The following NPHP4 variants were observed in gnomAD, a reference collection of about 807,000 sequenced individuals.
NPHP4 encodes nephrocystin 4.
NPHP4 carries 151 observed loss-of-function variants against 155.8 expected under a neutral mutation model. The ratio of observed to expected loss-of-function variants is 0.97; its 90% confidence interval spans 0.85 to 1.11. NPHP4 has a LOEUF of 1.11. NPHP4 is among the 50% of genes least tolerant of loss of function. NPHP4 has a pLI of 0.00. For missense variants in NPHP4, 1,956 were observed against 1,925.7 expected (o/e 1.02, Z -0.29); for synonymous variants, 845 against 816.8 (o/e 1.03, Z -0.59).
At chr1:5,954,050 CAG>C (rs1648717844) in intron 6 of NPHP4, among the ~76,000 whole-genome samples, 1 of 152,212 alleles carries the variant, frequency 6.6e-6, no homozygotes, top group South Asian at 2.1e-4. Flanking sequence ...GATTATGAGT[CAG>C]TATCGCCTTT....
chr1:5,904,609 G>A lies in NPHP4; in HGVS notation c.2143+8C>T. On this transcript the variant is annotated splice_region_variant and intron_variant, in intron 16 of 29. Coordinates refer to ENST00000378156, the MANE Select transcript of NPHP4 (RefSeq NM_015102.5). ...TGTCTTGCCTTTGCCATGCACATGA[G>A]TACTCACCAGCATCAAAGGTGCCAT... 6.3e-7 allele frequency: 1 copy of A among 1,598,138 alleles called. No homozygotes were observed. Among genetic ancestry groups the A allele is most frequent in the Non-Finnish European group, 8.6e-7 (1 of 1,169,464 alleles).
At chr1:5,966,679 C>T (rs984696325) in intron 5 of NPHP4, among the ~76,000 whole-genome samples, 2 of 152,126 alleles carry the variant, frequency 1.3e-5, no homozygotes, top group African/African-American at 2.4e-5. Flanking sequence ...CTTCCCCACC[C>T]ACACTCCCCC....
chr1:5,947,128 G>A lies in NPHP4; in HGVS notation c.1095C>T (p.Ser365=), dbSNP rs770584924. 1.2e-6 allele frequency: 2 copies of A among 1,613,966 alleles called. No individual in the cohort carries two copies. Among genetic ancestry groups the A allele is most frequent in the African/African-American group, 1.3e-5 (1 of 75,044 alleles). Residue 365 remains serine (S), a synonymous_variant, in exon 9 of 30, where the codon AGC becomes AGT. Coordinates refer to ENST00000378156, the MANE Select transcript of NPHP4 (RefSeq NM_015102.5). The part of the protein sequence containing the change: ...AVIFQLEYVF[S]SPAGVDGNAA... Reference sequence around the variant, plus strand: ...CATTGCCGTCCACTCCTGCAGGGCTGCTGAACACGTACTCCAGCTGGAAGA... The same window carrying A: ...CATTGCCGTCCACTCCTGCAGGGCTACTGAACACGTACTCCAGCTGGAAGA...
chr1:5,970,030 T>C (rs1652279964), intron 3 of NPHP4, among the ~76,000 whole-genome samples: 1 of 152,130 alleles, frequency 6.6e-6, no homozygotes, highest in Admixed American at 6.6e-5. Context: ...AACATGCAAA[T>C]GGCCAGCCTC....
At chr1:5,952,908 T>C in intron 6 of NPHP4, 72 bp from the exon 7 acceptor site, 1 of 1,433,024 alleles carries the variant, frequency 7.0e-7, no homozygotes, top group South Asian at 1.4e-5. Context: ...CGAGGGTCCC[T>C]ACCCACCCCA....
At chr1:5,891,382 A>G (rs1286194106) in intron 16 of NPHP4, among the ~76,000 whole-genome samples, 1 of 152,200 alleles carries the variant, frequency 6.6e-6, no homozygotes, top group African/African-American at 2.4e-5. Flanking sequence ...AATGTAGTCT[A>G]CATCTGCTGT....
intron 28 of NPHP4, 106 bp from the exon 29 acceptor site, chr1:5,864,139 C>T (rs1640935556): frequency 1.5e-6 from 2 of 1,339,604 alleles, no homozygotes; most frequent in Non-Finnish European, 2.1e-6. Context: ...CACGGGGACC[C>T]CCACAGAGAT....
At chr1:5,990,836 C>T (rs1036111820) in intron 1 of NPHP4, among the ~76,000 whole-genome samples, 1 of 152,210 alleles carries the variant, frequency 6.6e-6, no homozygotes, top group Non-Finnish European at 1.5e-5. Flanking sequence ...GCCTCCCCAC[C>T]TGTTTCCAAC....
rs563930977 is a variant in NPHP4 at position 5,973,301 on chromosome 1, G to A, written c.280-4042C>T. Among the ~76,000 whole-genome samples, 17 of 152,356 alleles carry A rather than the reference G, an allele frequency of 1.1e-4. No individual in the cohort carries two copies. The South Asian group carries it at 3.5e-3, about 32-fold the overall frequency. On this transcript the variant is annotated intron_variant, in intron 3 of 29. Coordinates refer to ENST00000378156, the MANE Select transcript of NPHP4 (RefSeq NM_015102.5). ...CACTAGCCCATCCTACCTCAACTCCGACGCCCATGGCGAAAGCCAGTTCTC... is the reference window on the plus strand; with the variant it reads ...CACTAGCCCATCCTACCTCAACTCCAACGCCCATGGCGAAAGCCAGTTCTC...
At chr1:5,866,328 T>A in intron 26 of NPHP4, 45 bp downstream of exon 26, 1 of 1,302,274 alleles carries the variant, frequency 7.7e-7, no homozygotes, top group Non-Finnish European at 1.1e-6. Flanking sequence ...TGCCTCCTCC[T>A]CTCCTCCGCC....
rs1557696074 is a variant in NPHP4, at chr1:5,904,604, C to G, written c.2143+13G>C. The G allele has an allele frequency of 1.3e-6, 2 of 1,589,148 alleles. No homozygotes were observed. The highest frequency in any genetic ancestry group is 1.7e-5 in the Admixed American group (1 of 59,200). On this transcript the variant is annotated intron_variant, in intron 16 of 29. Coordinates refer to ENST00000378156, the MANE Select transcript of NPHP4 (RefSeq NM_015102.5). ...CAGAATGTCTTGCCTTTGCCATGCA[C>G]ATGAGTACTCACCAGCATCAAAGGT... is the stretch of plus-strand genomic sequence containing the variant.
intron 9 of NPHP4, among the ~76,000 whole-genome samples, chr1:5,943,229 C>CA (rs1570559699): frequency 6.6e-6 from 1 of 152,026 alleles, no homozygotes; most frequent in East Asian, 1.9e-4. Context: ...CTAAAAAATG[C>CA]AAAAAAATTA....
intron 6 of NPHP4, among the ~76,000 whole-genome samples, chr1:5,955,715 A>G (rs569468428): frequency 1.0e-4 from 16 of 152,384 alleles, no homozygotes; most frequent in Admixed American, 1.0e-3. Flanking sequence ...ATAGAAGCGG[A>G]GCACAGAACA....
chr1:5,906,392 CA>C (rs1367744423), intron 13 of NPHP4, among the ~76,000 whole-genome samples: 1 of 152,208 alleles, frequency 6.6e-6, no homozygotes, highest in African/African-American at 2.4e-5. Flanking sequence ...GCTTCATTCC[CA>C]AGCTTTCTGT....
At chr1:5,866,348 A>G (rs751183599) in intron 26 of NPHP4, 25 bp downstream of exon 26, 9 of 1,505,550 alleles carry the variant, frequency 6.0e-6, no homozygotes, top group South Asian at 2.3e-5. Flanking sequence ...CACCGCCTCC[A>G]GGTCCCCAAA....
intron 11 of NPHP4, among the ~76,000 whole-genome samples, chr1:5,912,554 A>G (rs940356355): frequency 8.9e-5 from 9 of 100,730 alleles, no homozygotes; most frequent in Non-Finnish European, 1.7e-4. Context: ...AAAAAAAAAA[A>G]AGAAAAAAGA....
Position 5,863,173 on chromosome 1 carries a change from C to G in NPHP4, c.*92G>C. On this transcript the variant is annotated 3_prime_UTR_variant, in exon 30 of 30. Transcript: ENST00000378156. ...GCCAGGTGGGCACTGAAGTGAAAGG[C>G]TGCAGAGAGGCGGGGAGGACAGCCT... The G allele has an allele frequency of 7.1e-7, 1 of 1,408,466 alleles. No individual in the cohort carries two copies. The highest frequency in any genetic ancestry group is 1.7e-5 in the Admixed American group (1 of 59,476). 87.2% of individuals were successfully genotyped at this position (1,408,466 alleles called of 1,614,324 possible).
rs373787394 is a variant in NPHP4 at position 5,927,693 on chromosome 1, T to C, written c.1397A>G (p.Lys466Arg). ...TTTCCTGGAAGGCCGCCGCTCCACT[T>C]TGGGGCCACTGACAGGCTCCGTGGG... ...DAPTEPVSGPKVERRPSRKPP... is the reference protein window; with the variant it reads ...DAPTEPVSGPRVERRPSRKPP... Residue 466 changes from lysine to arginine, a missense_variant, in exon 11 of 30, where the codon AAA becomes AGA. Lys to Arg is a conservative substitution (Grantham distance 26, BLOSUM62 2). Coordinates refer to ENST00000378156, the MANE Select transcript of NPHP4 (RefSeq NM_015102.5). 2.5e-5 allele frequency: 41 copies of C among 1,613,142 alleles called. No individual in the cohort carries two copies. The highest frequency in any genetic ancestry group is 6.7e-5 in the East Asian group (3 of 44,858).
intron 6 of NPHP4, among the ~76,000 whole-genome samples, chr1:5,955,980 T>C (rs1649124286): frequency 1.4e-5 from 2 of 141,508 alleles, no homozygotes; most frequent in African/African-American, 5.2e-5. Flanking sequence ...ATACGTGTAC[T>C]GAAACATCAC....
Sources: gnomAD v4.1 joint callset for allele counts (sites outside exome capture counted in the v4.1 genomes callset) on GRCh38, gnomAD v4.1.1 for gene constraint, MANE v1.5 for transcripts, NCBI Gene and HGNC (gene_info 2026-07-23, HGNC 2026-07-21) for gene names.